The following MPPED2 variants were observed in gnomAD, a reference collection of about 807,000 sequenced individuals.
The protein encoded by MPPED2 is metallophosphoesterase MPPED2.
Under a neutral mutation model 33.0 loss-of-function variants are expected in MPPED2, and 5 were observed. That is an observed-to-expected ratio of 0.15 (90% CI 0.08 to 0.32). MPPED2 has a LOEUF of 0.32. Among genes scored for constraint, MPPED2 ranks in the 10% least tolerant of loss-of-function variants. The probability of loss-of-function intolerance (pLI) is 1.00; values close to 1 mark genes in which losing one functional copy is unlikely to be tolerated. For synonymous variants in MPPED2, 136 were observed against 141.9 expected, an observed-to-expected ratio of 0.96 and a Z score of 0.29; for missense variants, 275 against 372.1, an observed-to-expected ratio of 0.74 and a Z score of 2.15.
intron 3 of MPPED2, among the ~76,000 whole-genome samples, chr11:30,520,186 C>T (rs986896264): frequency 7.2e-5 from 11 of 152,070 alleles, no homozygotes; most frequent in African/African-American, 2.4e-4. Flanking sequence ...CTTTCCTGCT[C>T]TTAAAATTTG....
intron 4 of MPPED2, chr11:30,451,877 C>T: frequency 1.0e-6 from 1 of 985,068 alleles, no homozygotes; most frequent in Non-Finnish European, 1.2e-6. Flanking sequence ...GACCTATGCC[C>T]TAGTTCCAGC....
At position 30,562,463 on chromosome 11, in the gene MPPED2, C is replaced by T. The variant is rs918547207; in HGVS notation, c.128+17783G>A. Among the ~76,000 whole-genome samples the T allele has an allele frequency of 5.3e-5, 8 of 152,238 alleles. No individual in the cohort carries two copies. In the South Asian group the frequency reaches 8.3e-4, roughly 16 times the overall value. ...CCTACGGGAAGCCTACCTTCTTTCA[C>T]GTTTGGGAGAAGAATCAAACCTGAT... is the stretch of plus-strand genomic sequence containing the variant. On this transcript the variant is annotated intron_variant, in intron 2 of 6. Transcript: ENST00000358117.
rs576645002 is a variant in MPPED2, at chr11:30,449,922, C to T, written c.537-32289G>A. ...CATCTGCCCTAGATGCCCAAACCCC[C>T]TTTCCTCTGTCTAGTCATATCTCCA... is the stretch of plus-strand genomic sequence containing the variant. On this transcript the variant is annotated intron_variant, in intron 4 of 6. Coordinates refer to ENST00000358117, the MANE Select transcript of MPPED2 (RefSeq NM_001584.3). Among the ~76,000 whole-genome samples the T allele has an allele frequency of 6.6e-5, 10 of 152,322 alleles. No individual in the cohort carries two copies. In the Middle Eastern group the frequency reaches 0.01, roughly 155 times the overall value.
intron 4 of MPPED2, among the ~76,000 whole-genome samples, chr11:30,457,175 G>T (rs1205922780): frequency 6.6e-6 from 1 of 152,082 alleles, no homozygotes; most frequent in Non-Finnish European, 1.5e-5. Flanking sequence ...TGCACATCCA[G>T]CAATGTTCCC....
At position 30,385,924 on chromosome 11, in the gene MPPED2, T is replaced by C. The variant is rs372392981; in HGVS notation, c.*2965A>G. 176 of 152,350 alleles carry C rather than the reference T, an allele frequency of 1.2e-3. 1 individual carries two copies. Among genetic ancestry groups the C allele is most frequent in the African/African-American group, 4.0e-3 (165 of 41,574 alleles). The allele number at this position is 152,350 out of a possible 1,614,324, so 9.4% of individuals were successfully genotyped here. On this transcript the variant is annotated 3_prime_UTR_variant, in exon 7 of 7. Coordinates refer to the MPPED2 transcript ENST00000448418. ...ACTTCTATCCCATTTCTTATTTTCTTCATAGGGTTTATCAAAATTTGAGTT... is the reference window on the plus strand; with the variant it reads ...ACTTCTATCCCATTTCTTATTTTCTCCATAGGGTTTATCAAAATTTGAGTT...
chr11:30,514,401 C>T (rs1310380948), intron 3 of MPPED2, among the ~76,000 whole-genome samples: 3 of 152,186 alleles, frequency 2.0e-5, no homozygotes, highest in African/African-American at 7.2e-5. Context: ...CATTCTCAAA[C>T]CTTTGGGACA....
chr11:30,465,633 T>C (rs1950676626), intron 4 of MPPED2, among the ~76,000 whole-genome samples: 1 of 152,184 alleles, frequency 6.6e-6, no homozygotes, highest in Non-Finnish European at 1.5e-5. Context: ...ATACTGCACA[T>C]GGAAAACAAC....
intron 4 of MPPED2, among the ~76,000 whole-genome samples, chr11:30,459,087 G>A (rs903466538): frequency 3.3e-5 from 5 of 151,112 alleles, no homozygotes; most frequent in Admixed American, 6.6e-5. Flanking sequence ...CACTACGCCC[G>A]GCTAATTTTT....
At chr11:30,416,701 C>A (rs1352799371) in intron 5 of MPPED2, among the ~76,000 whole-genome samples, 1 of 152,110 alleles carries the variant, frequency 6.6e-6, no homozygotes, top group Non-Finnish European at 1.5e-5. Flanking sequence ...GAACAGTCTT[C>A]TATTAAAAGT....
intron 2 of MPPED2, among the ~76,000 whole-genome samples, chr11:30,575,331 A>G (rs1439294106): frequency 6.6e-6 from 1 of 152,216 alleles, no homozygotes; most frequent in African/African-American, 2.4e-5. Context: ...ATATATTATC[A>G]TAAAATCTAT....
intron 4 of MPPED2, among the ~76,000 whole-genome samples, chr11:30,471,924 T>C (rs1380735678): frequency 6.6e-6 from 1 of 152,022 alleles, no homozygotes; most frequent in Non-Finnish European, 1.5e-5. Flanking sequence ...CTCAGAATAA[T>C]CTCTATAAAC....
chr11:30,445,950 T>C (rs1949787486), intron 4 of MPPED2, among the ~76,000 whole-genome samples: 1 of 152,242 alleles, frequency 6.6e-6, no homozygotes, highest in African/African-American at 2.4e-5. Flanking sequence ...ATGCAGTCTT[T>C]AAGCAACTAC....
chr11:30,489,071 A>C (rs1173753217), intron 4 of MPPED2, among the ~76,000 whole-genome samples: 1 of 139,458 alleles, frequency 7.2e-6, no homozygotes, highest in Non-Finnish European at 1.6e-5. Context: ...TTTTTTGCCT[A>C]AGTTAATTAC....
At chr11:30,437,561 G>A (rs1033958450) in intron 4 of MPPED2, among the ~76,000 whole-genome samples, 8 of 152,132 alleles carry the variant, frequency 5.3e-5, no homozygotes, top group Non-Finnish European at 7.4e-5. Context: ...TCTGAGCTGG[G>A]GCTCTTCTGG....
In MPPED2 at chr11:30,524,185, G is replaced by A. The variant is rs371463891; in HGVS notation, c.310+11809C>T. Among the ~76,000 whole-genome samples the A allele has an allele frequency of 1.2e-4, 18 of 152,180 alleles. No homozygotes were observed. The East Asian group carries it at 1.9e-3, about 16-fold the overall frequency. On this transcript the variant is annotated intron_variant, in intron 3 of 6. Coordinates refer to ENST00000358117, the MANE Select transcript of MPPED2 (RefSeq NM_001584.3). The stretch of plus-strand genomic sequence containing the variant: ...GGAGAATCGCTTGAGTCTGGGAGGC[G>A]GAGGTTGCAGTGAGCTGAGATAGCG...
At chr11:30,480,451 T>C (rs1951430956) in intron 4 of MPPED2, among the ~76,000 whole-genome samples, 1 of 152,092 alleles carries the variant, frequency 6.6e-6, no homozygotes, top group Non-Finnish European at 1.5e-5. Context: ...TTTTTTATTT[T>C]AATCAAGGAA....
intron 6 of MPPED2, among the ~76,000 whole-genome samples, chr11:30,396,135 T>C (rs950560709): frequency 1.3e-5 from 2 of 152,130 alleles, no homozygotes; most frequent in Non-Finnish European, 2.9e-5. Flanking sequence ...CAGATGAGAA[T>C]CCTTGGGGAC....
At chr11:30,478,396 T>A (rs1451899875) in intron 4 of MPPED2, among the ~76,000 whole-genome samples, 1 of 151,918 alleles carries the variant, frequency 6.6e-6, no homozygotes, top group African/African-American at 2.4e-5. Flanking sequence ...GATTAATGTA[T>A]ACCTGGAAAA....
At chr11:30,425,918 G>C (rs965029084) in intron 4 of MPPED2, among the ~76,000 whole-genome samples, 4 of 152,142 alleles carry the variant, frequency 2.6e-5, no homozygotes, top group African/African-American at 9.7e-5. Flanking sequence ...AAAGAAAAGG[G>C]ATATTTGTCT....
Sources: allele counts gnomAD v4.1 joint callset (sites outside exome capture counted in the v4.1 genomes callset), GRCh38; gene constraint gnomAD v4.1.1; transcripts MANE v1.5; gene names NCBI Gene and HGNC (gene_info 2026-07-23, HGNC 2026-07-21).